MBNL2: variants seen among roughly 807,000 people sequenced by gnomAD.
MBNL2 encodes the protein muscleblind like splicing regulator 2, also known as muscleblind-like protein 2.
Under a neutral mutation model 41.9 loss-of-function variants are expected in MBNL2, and 17 were observed. That is an observed-to-expected ratio of 0.41 (90% CI 0.28 to 0.61). The LOEUF is 0.61. Among genes scored for constraint, MBNL2 ranks in the 20% least tolerant of loss-of-function variants. MBNL2 has a pLI of 0.35. For missense variants in MBNL2, 336 were observed against 505.6 expected (o/e 0.66, Z 3.22); for synonymous variants, 195 against 182.9 (o/e 1.07, Z -0.53).
At chr13:97,224,382 G>A (rs576049027) in intron 1 of MBNL2, among the ~76,000 whole-genome samples, 67 of 152,290 alleles carry the variant, frequency 4.4e-4, no homozygotes, top group Non-Finnish European at 7.9e-4. Context: ...CCATGTCACA[G>A]GTGGCAACCT....
rs60899519 is a variant in MBNL2, at chr13:97,329,826, AACAC to A, written c.175-4431_175-4428del. Among the ~76,000 whole-genome samples, 836 of 149,616 alleles carry A rather than the reference AACAC, an allele frequency of 5.6e-3. 5 individuals are homozygous for A. Among genetic ancestry groups the A allele is most frequent in the Admixed American group, 0.014 (213 of 15,058 alleles). ...ATACAACATACATGCATACACATGC[AACAC>A]ACACACACACACACACACTTTGACC... is the stretch of plus-strand genomic sequence containing the variant. On this transcript the variant is annotated intron_variant, in intron 2 of 8. Coordinates refer to ENST00000679496, the MANE Select transcript of MBNL2 (RefSeq NM_001382683.1).
chr13:97,324,550 A>G (rs901629368), intron 2 of MBNL2, among the ~76,000 whole-genome samples: 10 of 152,170 alleles, frequency 6.6e-5, no homozygotes, highest in African/African-American at 2.4e-4. Context: ...AGATTGGTAT[A>G]TTTGTCAGTG....
At chr13:97,260,067 AATG>A (rs1235209782) in intron 1 of MBNL2, among the ~76,000 whole-genome samples, 1 of 152,336 alleles carries the variant, frequency 6.6e-6, no homozygotes, top group South Asian at 2.1e-4. Flanking sequence ...AGTGTTAAAT[AATG>A]ATAAGGACTT....
chr13:97,182,003 C>G, the MBNL2 span, among the ~76,000 whole-genome samples: 1 of 152,130 alleles, frequency 6.6e-6, no homozygotes, highest in African/African-American at 2.4e-5. Context: ...ATCATTGCCA[C>G]TGGACAAACA....
At chr13:97,347,744 T>C (rs1287177873) in intron 5 of MBNL2, among the ~76,000 whole-genome samples, 1 of 152,006 alleles carries the variant, frequency 6.6e-6, no homozygotes, top group African/African-American at 2.4e-5. Flanking sequence ...ACATCATCAT[T>C]ATCATCGCCT....
At chr13:97,386,871 C>T (rs1200406097) in intron 8 of MBNL2, among the ~76,000 whole-genome samples, 1 of 151,890 alleles carries the variant, frequency 6.6e-6, no homozygotes, top group East Asian at 1.9e-4. Flanking sequence ...TCCATTGTAG[C>T]CAGCTGATAT....
At chr13:97,163,637 T>C in the MBNL2 span, among the ~76,000 whole-genome samples, 1 of 152,088 alleles carries the variant, frequency 6.6e-6, no homozygotes, top group African/African-American at 2.4e-5. Context: ...CACTGGGTGA[T>C]TGGGGGTGGC....
the MBNL2 span, among the ~76,000 whole-genome samples, chr13:97,204,542 T>C: frequency 8.5e-5 from 13 of 152,204 alleles, no homozygotes; most frequent in Admixed American, 8.5e-4. Flanking sequence ...TTAAGTTCAT[T>C]TTTTTGTGAA....
the MBNL2 span, among the ~76,000 whole-genome samples, chr13:97,159,318 A>G: frequency 6.6e-6 from 1 of 151,878 alleles, no homozygotes; most frequent in Non-Finnish European, 1.5e-5. Context: ...TTTCCTGAAT[A>G]CAGCACACTG....
At chr13:97,245,469 A>G (rs1290513533) in intron 1 of MBNL2, among the ~76,000 whole-genome samples, 1 of 152,198 alleles carries the variant, frequency 6.6e-6, no homozygotes, top group African/African-American at 2.4e-5. Context: ...TCTCCCTACG[A>G]AAGCGTAATA....
At chr13:97,197,357 A>G in the MBNL2 span, among the ~76,000 whole-genome samples, 3 of 152,188 alleles carry the variant, frequency 2.0e-5, no homozygotes, top group African/African-American at 7.2e-5. Context: ...GAGACTATCT[A>G]TTACACATCT....
At position 97,275,969 on chromosome 13, in the gene MBNL2, G is replaced by T; in HGVS notation, c.-267G>T. On this transcript the variant is annotated 5_prime_UTR_variant, in exon 2 of 9. Transcript: ENST00000679496. The stretch of plus-strand genomic sequence containing the variant: ...AGCTGTATCTGCAAAACAGTCAAGA[G>T]ACTCGGACGTTGAAAGCCAGAGATG... The T allele has an allele frequency of 2.9e-6, 1 of 349,608 alleles. No individual in the cohort carries two copies. The highest frequency in any genetic ancestry group is 5.2e-6 in the Non-Finnish European group (1 of 192,660). The allele number at this position is 349,608 out of a possible 1,614,324, so 21.7% of individuals were successfully genotyped here.
At chr13:97,149,274 T>C in the MBNL2 span, among the ~76,000 whole-genome samples, 1 of 152,204 alleles carries the variant, frequency 6.6e-6, no homozygotes, top group South Asian at 2.1e-4. Flanking sequence ...TTTAATACCT[T>C]GTCTTAAGTG....
intron 1 of MBNL2, among the ~76,000 whole-genome samples, chr13:97,248,102 G>A (rs565085961): frequency 3.9e-5 from 6 of 152,006 alleles, no homozygotes; most frequent in Non-Finnish European, 5.9e-5. Flanking sequence ...TTATATATAC[G>A]TATGTGTGTG....
At chr13:97,158,020 G>T in the MBNL2 span, among the ~76,000 whole-genome samples, 1 of 149,110 alleles carries the variant, frequency 6.7e-6, no homozygotes, top group African/African-American at 2.5e-5. Context: ...GAATCCATCT[G>T]GTCCTGGACT....
the MBNL2 span, among the ~76,000 whole-genome samples, chr13:97,147,466 C>G: frequency 6.6e-6 from 1 of 152,096 alleles, no homozygotes; most frequent in Non-Finnish European, 1.5e-5. Context: ...CTTTGATCAT[C>G]TGGAATGATT....
chr13:97,270,594 A>G (rs2050745292), intron 1 of MBNL2, among the ~76,000 whole-genome samples: 1 of 152,204 alleles, frequency 6.6e-6, no homozygotes, highest in African/African-American at 2.4e-5. Flanking sequence ...ATAAATAAAA[A>G]TTTAAAATTT....
the MBNL2 span, among the ~76,000 whole-genome samples, chr13:97,144,420 C>CTTTTTTTTTT: frequency 1.1e-5 from 1 of 87,606 alleles, no homozygotes; most frequent in African/African-American, 5.6e-5. Context: ...AGACATGATA[C>CTTTTTTTTTT]TTCTTTTTTT....
At chr13:97,368,699 T>TG (rs2064085423) in intron 8 of MBNL2, among the ~76,000 whole-genome samples, 7 of 138,216 alleles carry the variant, frequency 5.1e-5, no homozygotes, top group Non-Finnish European at 1.1e-4. Context: ...TATATTCAAG[T>TG]TTGTGTGTGT....
Sources: gnomAD v4.1 joint callset for allele counts (sites outside exome capture counted in the v4.1 genomes callset) on GRCh38, gnomAD v4.1.1 for gene constraint, MANE v1.5 for transcripts, NCBI Gene and HGNC (gene_info 2026-07-23, HGNC 2026-07-21) for gene names.